Variants in SCAI observed in about 807,000 individuals in gnomAD.
SCAI encodes the protein protein SCAI.
In SCAI, 24 loss-of-function variants were observed where a neutral mutation model predicts 92.2. The observed-to-expected ratio is 0.26, with a 90% confidence interval of 0.19 to 0.37. The LOEUF (loss-of-function observed/expected upper bound fraction) is 0.37. SCAI is among the 10% of genes least tolerant of loss of function. The probability of loss-of-function intolerance (pLI) is 1.00; values close to 1 mark genes in which losing one functional copy is unlikely to be tolerated. For missense variants in SCAI, 450 were observed against 736.2 expected (o/e 0.61, Z 4.50); for synonymous variants, 261 against 258.6 (o/e 1.01, Z -0.09).
intron 9 of SCAI, among the ~76,000 whole-genome samples, chr9:125,004,752 TATATATATATATATATATATATATATA>T (rs1832445990): frequency 5.8e-3 from 88 of 15,168 alleles, no homozygotes; most frequent in East Asian, 0.014. Context: ...TATATATATA[TATATATATATATATATATATATATATA>T]TTTTTTTTTT....
At chr9:125,110,505 C>G (rs1834908392) in intron 2 of SCAI, among the ~76,000 whole-genome samples, 1 of 152,254 alleles carries the variant, frequency 6.6e-6, no homozygotes, top group African/African-American at 2.4e-5. Context: ...TCATGTTGAA[C>G]AGCAATCCCC....
intron 3 of SCAI, among the ~76,000 whole-genome samples, chr9:125,043,431 T>C (rs1313721906): frequency 6.6e-6 from 1 of 152,194 alleles, no homozygotes; most frequent in East Asian, 1.9e-4. Flanking sequence ...AGTATTTGCT[T>C]TTACCCATTG....
intron 3 of SCAI, among the ~76,000 whole-genome samples, chr9:125,045,520 T>C (rs1481534025): frequency 6.6e-6 from 1 of 152,094 alleles, no homozygotes; most frequent in African/African-American, 2.4e-5. Context: ...TTTTATTTTG[T>C]AGACGGGGTC....
chr9:125,136,115 CTTTTT>C (rs200355256), intron 2 of SCAI, among the ~76,000 whole-genome samples: 1 of 142,116 alleles, frequency 7.0e-6, no homozygotes, highest in African/African-American at 2.6e-5. Context: ...ATTAACTTAC[CTTTTT>C]TTTTTTTTTT....
intron 9 of SCAI, among the ~76,000 whole-genome samples, chr9:125,006,888 G>A (rs559042315): frequency 6.7e-4 from 102 of 152,250 alleles, no homozygotes; most frequent in Non-Finnish European, 1.4e-3. Flanking sequence ...GGAGACTGAG[G>A]CAGGTGAATC....
At chr9:125,055,283 T>G (rs887308520) in intron 3 of SCAI, among the ~76,000 whole-genome samples, 2 of 152,178 alleles carry the variant, frequency 1.3e-5, no homozygotes, top group Non-Finnish European at 2.9e-5. Flanking sequence ...ACTAAGCTAA[T>G]GAAGCTTTAG....
At chr9:125,103,530 T>C (rs942941151) in intron 2 of SCAI, among the ~76,000 whole-genome samples, 2 of 152,248 alleles carry the variant, frequency 1.3e-5, no homozygotes, top group African/African-American at 4.8e-5. Flanking sequence ...GAAAGCACTT[T>C]ATAAATATTC....
intron 2 of SCAI, among the ~76,000 whole-genome samples, chr9:125,127,619 G>A (rs977583128): frequency 6.6e-6 from 1 of 152,098 alleles, no homozygotes; most frequent in African/African-American, 2.4e-5. Context: ...ATTCATATGT[G>A]CTATACAGTC....
At chr9:125,111,820 G>C (rs964506779) in intron 2 of SCAI, among the ~76,000 whole-genome samples, 10 of 152,176 alleles carry the variant, frequency 6.6e-5, no homozygotes, top group African/African-American at 2.2e-4. Flanking sequence ...GAGGAACTCA[G>C]GCAGAGGCCC....
Position 125,091,996 on chromosome 9 carries a change from G to C in SCAI, c.99-35989C>G, listed in dbSNP as rs1433016414. Among the ~76,000 whole-genome samples, 1 of 151,850 alleles carries C rather than the reference G, an allele frequency of 6.6e-6. No homozygotes were observed. The highest frequency in any genetic ancestry group is 1.5e-5 in the Non-Finnish European group (1 of 67,960). ...AATAAAAAAATTAGCCAGGCGTGGT[G>C]GTGGGCGCCTGTAGTCCCAGCTACT... is the stretch of plus-strand genomic sequence containing the variant. On this transcript the variant is annotated intron_variant, in intron 2 of 17. Transcript: ENST00000336505. The surrounding 1 kb of genome is among the most constrained non-coding windows in gnomAD (Gnocchi z 4.3).
At chr9:124,952,986 G>A in intron 17 of SCAI, 33 bp from the exon 18 acceptor site, 2 of 1,599,288 alleles carry the variant, frequency 1.3e-6, no homozygotes, top group East Asian at 2.2e-5. Context: ...GTCAAGTTTT[G>A]TAGTCTAATG....
rs751990668 is a variant in SCAI at position 124,952,936 on chromosome 9, T to C, written c.1692A>G (p.Pro564=). ...CCCTTGGCAGTTGTGGATATGATTC[T>C]GGATAATTTCGTGTTTCCTGGTAGG... The part of the protein sequence containing the change: ...HKIFRETRNY[P]ESYPQLPRDE... Residue 564 remains proline (P), a synonymous_variant, in exon 18 of 18, where the codon CCA becomes CCG. Coordinates refer to ENST00000336505, the MANE Select transcript of SCAI (RefSeq NM_001144877.3). The C allele has an allele frequency of 4.3e-6, 7 of 1,613,036 alleles. No individual in the cohort carries two copies. In the East Asian group the frequency reaches 1.6e-4, roughly 36 times the overall value.
At chr9:125,048,943 C>T (rs1262730513) in intron 3 of SCAI, among the ~76,000 whole-genome samples, 1 of 151,794 alleles carries the variant, frequency 6.6e-6, no homozygotes, top group Non-Finnish European at 1.5e-5. Flanking sequence ...TGGGGTTTCT[C>T]CATGTTGGTC....
chr9:125,101,126 G>T (rs1834669406), intron 2 of SCAI, among the ~76,000 whole-genome samples: 1 of 152,250 alleles, frequency 6.6e-6, no homozygotes, highest in South Asian at 2.1e-4. Flanking sequence ...TGATGAGGAG[G>T]GGAAGAGGTC....
intron 3 of SCAI, among the ~76,000 whole-genome samples, chr9:125,042,271 G>A (rs1473775461): frequency 1.3e-5 from 2 of 152,078 alleles, no homozygotes; most frequent in African/African-American, 4.8e-5. Context: ...GTAGAACTCA[G>A]GAGACTATGG....
intron 2 of SCAI, among the ~76,000 whole-genome samples, chr9:125,124,636 C>T (rs7860360): frequency 0.45 from 68,244 of 151,974 alleles, 15,703 homozygotes; most frequent in East Asian, 0.61. Flanking sequence ...GAAGGGTATC[C>T]GTTTTACTCA....
intron 2 of SCAI, among the ~76,000 whole-genome samples, chr9:125,105,375 G>A (rs1834755076): frequency 6.6e-6 from 1 of 152,202 alleles, no homozygotes; most frequent in Non-Finnish European, 1.5e-5. Context: ...CAAGAGCTAA[G>A]TCTGCTCCTA....
intron 17 of SCAI, among the ~76,000 whole-genome samples, chr9:124,963,830 A>G (rs966238553): frequency 1.3e-5 from 2 of 151,724 alleles, no homozygotes; most frequent in African/African-American, 4.8e-5. Context: ...TATTCATTAA[A>G]TGGAAGTGGA....
chr9:125,059,186 T>C (rs1450301772), intron 2 of SCAI, among the ~76,000 whole-genome samples: 1 of 152,212 alleles, frequency 6.6e-6, no homozygotes, highest in Non-Finnish European at 1.5e-5. Flanking sequence ...TCCCATGCGA[T>C]GAGAAGTACT....
Sources: allele counts gnomAD v4.1 joint callset (sites outside exome capture counted in the v4.1 genomes callset), GRCh38; gene constraint gnomAD v4.1.1; non-coding constraint Gnocchi (gnomAD v3.1); transcripts MANE v1.5; gene names NCBI Gene and HGNC (gene_info 2026-07-23, HGNC 2026-07-21).